MPHOSPH9: variants seen among roughly 807,000 people sequenced by gnomAD.
MPHOSPH9 encodes the protein M-phase phosphoprotein 9.
MPHOSPH9 carries 88 observed loss-of-function variants against 145.5 expected under a neutral mutation model. The ratio of observed to expected loss-of-function variants is 0.60; its 90% CI spans 0.51 to 0.72. The LOEUF (loss-of-function observed/expected upper bound fraction) is 0.72. Among genes scored for constraint, MPHOSPH9 ranks in the 30% least tolerant of loss-of-function variants. The pLI is 0.00. For missense variants in MPHOSPH9, 1,238 were observed against 1,386.6 expected, an observed-to-expected ratio of 0.89 and a Z score of 1.70; for synonymous variants, 435 against 486.2, an observed-to-expected ratio of 0.89 and a Z score of 1.39.
chr12:123,180,411 A>C (rs1280661021), intron 14 of MPHOSPH9, among the ~76,000 whole-genome samples: 2 of 152,156 alleles, frequency 1.3e-5, no homozygotes, highest in African/African-American at 4.8e-5. Context: ...ACAACCCTCC[A>C]TTCTATGCAA....
In MPHOSPH9 at chr12:123,227,619, G is replaced by T; in HGVS notation, c.105-3C>A. On this transcript the variant is annotated splice_region_variant and splice_polypyrimidine_tract_variant and intron_variant, in intron 2 of 23. Coordinates refer to ENST00000606320, the MANE Select transcript of MPHOSPH9 (RefSeq NM_022782.4). ...TTGTACTAAGGTGGGGACTACTTCT[G>T]TTGAAACATAAATAATTCAAATGGT... 6.7e-7 allele frequency: 1 copy of T among 1,498,786 alleles called. No individual in the cohort carries two copies. The highest frequency in any genetic ancestry group is 1.3e-5 in the South Asian group (1 of 78,118). 92.8% of individuals were successfully genotyped at this position (1,498,786 alleles called of 1,614,324 possible).
In MPHOSPH9 at chr12:123,156,067, G is replaced by A. The variant is rs1413672489; in HGVS notation, c.*740C>T. The stretch of plus-strand genomic sequence containing the variant: ...GTTTATCTGTCCATTTATTGTCCAG[G>A]GTGGGACACAAGTTAATTCAGAACA... On this transcript the variant is annotated 3_prime_UTR_variant, in exon 24 of 24. Transcript: ENST00000606320. The A allele has an allele frequency of 1.3e-5, 2 of 152,154 alleles. No homozygotes were observed. The highest frequency in any genetic ancestry group is 2.9e-5 in the Non-Finnish European group (2 of 68,028). The allele number at this position is 152,154 out of a possible 1,614,324, so 9.4% of individuals were successfully genotyped here.
rs377290356 is a variant in MPHOSPH9, at chr12:123,202,700, G to C, written c.1705C>G (p.Gln569Glu). 2 of 1,614,170 alleles carry C rather than the reference G, an allele frequency of 1.2e-6. No individual in the cohort carries two copies. The highest frequency in any genetic ancestry group is 1.7e-6 in the Non-Finnish European group (2 of 1,180,030). Residue 569 changes from glutamine to glutamate, a missense_variant, in exon 10 of 24, where the codon CAG becomes GAG. Physicochemically the swap from Gln to Glu is conservative, Grantham distance 29 (BLOSUM62 2). This residue lies in a region of MPHOSPH9 where 837 missense variants were observed against 897.5 expected (regional missense o/e 0.93). Transcript: ENST00000606320. ...MVASASVSQS[Q>E]LPGTANSVPE... The stretch of plus-strand genomic sequence containing the variant: ...ACACTGTTGGCTGTACCTGGAAGCT[G>C]GGACTGACTGACTGAGGCCGAAGCA...
intron 2 of MPHOSPH9, among the ~76,000 whole-genome samples, chr12:123,228,681 C>G (rs949980975): frequency 4.0e-5 from 6 of 150,594 alleles, no homozygotes; most frequent in African/African-American, 1.5e-4. Flanking sequence ...AGCAAGACTC[C>G]GTCAAAAAAA....
intron 16 of MPHOSPH9, among the ~76,000 whole-genome samples, chr12:123,171,735 C>T (rs1213239922): frequency 6.6e-6 from 1 of 151,806 alleles, no homozygotes; most frequent in Non-Finnish European, 1.5e-5. Context: ...GGTGACACAG[C>T]GAGACTCCAT....
chr12:123,187,043 G>C (rs2045475139), intron 13 of MPHOSPH9, among the ~76,000 whole-genome samples: 1 of 152,142 alleles, frequency 6.6e-6, no homozygotes. Context: ...CAGATCACCT[G>C]AGGTCAGGAG....
intron 4 of MPHOSPH9, among the ~76,000 whole-genome samples, chr12:123,222,703 G>A (rs186916233): frequency 6.6e-6 from 1 of 152,054 alleles, no homozygotes; most frequent in Non-Finnish European, 1.5e-5. Context: ...GCAGGAGGCC[G>A]AGGTGGGTGG....
intron 1 of MPHOSPH9, among the ~76,000 whole-genome samples, chr12:123,242,497 G>C (rs528363970): frequency 6.6e-6 from 1 of 152,338 alleles, no homozygotes; most frequent in African/African-American, 2.4e-5. Context: ...GGCCTTTGGG[G>C]AAGTGGAACC....
intron 8 of MPHOSPH9, 42 bp from the exon 9 acceptor site, chr12:123,203,417 G>A: frequency 6.7e-7 from 1 of 1,493,934 alleles, no homozygotes; most frequent in African/African-American, 1.4e-5. Context: ...TATCAATAAT[G>A]AAACAAATTA....
rs1425714259 is a variant in MPHOSPH9 at position 123,156,906 on chromosome 12, T to C, written c.3453A>G (p.Glu1151=). The C allele has an allele frequency of 1.3e-6, 2 of 1,598,932 alleles. No individual in the cohort carries two copies. Among genetic ancestry groups the C allele is most frequent in the Non-Finnish European group, 1.7e-6 (2 of 1,168,838 alleles). The change falls in exon 24 of 24, where the codon GAA becomes GAG. Residue 1151 remains glutamate, a splice_region_variant and synonymous_variant. Coordinates refer to ENST00000606320, the MANE Select transcript of MPHOSPH9 (RefSeq NM_022782.4). ...RITLQTRLNQ[E]ALEDRLERIN... is the part of the protein sequence containing the mutation. ...TCCTTTCCAAACGATCTTCCAAGGC[T>C]TCCTAGGTGAAAACAATGGGAAAAG...
Position 123,179,812 on chromosome 12 carries a change from A to T in MPHOSPH9, c.2354+114T>A, listed in dbSNP as rs1024128383. ...GTCAAGGGAAAATTAAGACAAAACT[A>T]GTTCTCAAACTGCTTAAAAATCCTC... On this transcript the variant is annotated intron_variant, in intron 15 of 23. Coordinates refer to ENST00000606320, the MANE Select transcript of MPHOSPH9 (RefSeq NM_022782.4). 15 of 517,666 alleles carry T rather than the reference A, an allele frequency of 2.9e-5. No individual in the cohort carries two copies. In the African/African-American group the frequency reaches 3.0e-4, roughly 10 times the overall value. 32.1% of individuals were successfully genotyped at this position (517,666 alleles called of 1,614,324 possible).
chr12:123,194,358 C>T (rs917759167), intron 13 of MPHOSPH9, 28 bp downstream of exon 13: 14 of 1,385,846 alleles, frequency 1.0e-5, no homozygotes, highest in Non-Finnish European at 1.2e-5. Flanking sequence ...CCAATCACGT[C>T]ATTAAGTTAC....
At chr12:123,209,798 G>A (rs1406329023) in intron 8 of MPHOSPH9, among the ~76,000 whole-genome samples, 15 of 147,840 alleles carry the variant, frequency 1.0e-4, no homozygotes, top group Middle Eastern at 3.5e-3. Context: ...GTGCAGTGGC[G>A]CAATCTCCCC....
At chr12:123,214,305 G>A (rs1024611476) in intron 7 of MPHOSPH9, among the ~76,000 whole-genome samples, 5 of 152,134 alleles carry the variant, frequency 3.3e-5, no homozygotes, top group Non-Finnish European at 7.3e-5. Context: ...TTGAGAAACC[G>A]AGGCTGGTGG....
rs546313515 is a variant in MPHOSPH9 at position 123,242,509 on chromosome 12, T to G, written c.-159+1344A>C. 9.2e-5 allele frequency among the ~76,000 whole-genome samples: 14 copies of G among 152,262 alleles called. No individual in the cohort carries two copies. The South Asian group carries it at 2.7e-3, about 29-fold the overall frequency. On this transcript the variant is annotated intron_variant, in intron 1 of 2. Coordinates refer to the MPHOSPH9 transcript ENST00000545406. ...TTTGGCCTTTGGGGAAGTGGAACCATGGGTGTGTTTGTCATTTTTAGCAGT... is the reference window on the plus strand; with the variant it reads ...TTTGGCCTTTGGGGAAGTGGAACCAGGGGTGTGTTTGTCATTTTTAGCAGT...
chr12:123,167,009 G>A (rs996008099), intron 16 of MPHOSPH9, among the ~76,000 whole-genome samples: 1 of 152,056 alleles, frequency 6.6e-6, no homozygotes, highest in Non-Finnish European at 1.5e-5. Context: ...TCTCAGTCAA[G>A]ATTCAGGTAC....
intron 13 of MPHOSPH9, among the ~76,000 whole-genome samples, chr12:123,182,724 C>A (rs950038300): frequency 6.7e-6 from 1 of 149,430 alleles, no homozygotes; most frequent in African/African-American, 2.5e-5. Flanking sequence ...CCAGCCTGGC[C>A]AACATAGCGA....
chr12:123,232,233 C>G (rs181920477), intron 1 of MPHOSPH9, among the ~76,000 whole-genome samples: 1 of 152,010 alleles, frequency 6.6e-6, no homozygotes, highest in Non-Finnish European at 1.5e-5. Flanking sequence ...ATTTCCCCTG[C>G]TAAGGTAATC....
rs2045117559 is a variant in MPHOSPH9, at chr12:123,181,155, C to A, written c.2289+8G>T. The A allele has an allele frequency of 7.5e-6, 12 of 1,608,814 alleles. No individual in the cohort carries two copies. In the East Asian group the frequency reaches 2.5e-4, roughly 33 times the overall value. On this transcript the variant is annotated splice_region_variant and intron_variant, in intron 14 of 23. Coordinates refer to ENST00000606320, the MANE Select transcript of MPHOSPH9 (RefSeq NM_022782.4). ...ATGAAATCTAGAACATGAACCATTA[C>A]CCCTTACCTTTACTCTCCTGTGTTC...
Sources: gnomAD v4.1 joint callset for allele counts (sites outside exome capture counted in the v4.1 genomes callset) on GRCh38, gnomAD v4.1.1 for gene constraint, gnomAD v4.1.1 regional missense constraint, MANE v1.5 for transcripts, NCBI Gene and HGNC (gene_info 2026-07-23, HGNC 2026-07-21) for gene names.